DUOX1: variants seen among roughly 807,000 people sequenced by gnomAD.
The protein encoded by DUOX1 is NADPH thyroid oxidase 1.
In DUOX1, 134 loss-of-function variants were observed where a neutral mutation model predicts 181.8. That is an observed-to-expected ratio of 0.74 (90% confidence interval 0.64 to 0.85). The LOEUF is 0.85. DUOX1 is among the 40% of genes least tolerant of loss of function. The pLI, the probability that DUOX1 is intolerant of heterozygous loss-of-function variation, is 0.00. For synonymous variants in DUOX1, 798 were observed against 832.5 expected (o/e 0.96, Z 0.71); for missense variants, 1,814 against 2,064.4 (o/e 0.88, Z 2.35).
chr15:45,139,181 C>G lies in DUOX1; in HGVS notation c.1216+13C>G. 1 of 1,614,110 alleles carries G rather than the reference C, an allele frequency of 6.2e-7. No homozygotes were observed. The highest frequency in any genetic ancestry group is 1.1e-5 in the South Asian group (1 of 91,066). ...GAAGATGTGCGGGGTGAGTCTGAGG[C>G]TGTCCCTGCAGGTTGTGAACTCCTG... On this transcript the variant is annotated intron_variant, in intron 11 of 33. Transcript: ENST00000389037.
At chr15:45,148,068 G>T in intron 20 of DUOX1, 71 bp downstream of exon 20, 1 of 1,471,132 alleles carries the variant, frequency 6.8e-7, no homozygotes. Context: ...GGGACCTGAA[G>T]GAGAGAGCAG....
intron 2 of DUOX1, 93 bp from the exon 3 acceptor site, chr15:45,133,771 A>T: frequency 9.3e-7 from 1 of 1,078,190 alleles, no homozygotes; most frequent in Non-Finnish European, 1.4e-6. Flanking sequence ...TGCTGCTCCA[A>T]GTGCCAGGCT....
chr15:45,140,379 A>G (rs907830643), intron 12 of DUOX1: 1 of 226,292 alleles, frequency 4.4e-6, no homozygotes, highest in Non-Finnish European at 9.0e-6. Context: ...TTAGCTTCAA[A>G]TGGGCCTCAG....
At chr15:45,153,526 G>GTAA in intron 26 of DUOX1, 47 bp downstream of exon 26, 3 of 991,854 alleles carry the variant, frequency 3.0e-6, no homozygotes, top group Non-Finnish European at 4.4e-6. Context: ...GTGTGTGTGT[G>GTAA]TGTGTGTGTG....
intron 12 of DUOX1, chr15:45,140,136 T>TCCCG: frequency 1.0e-6 from 1 of 995,708 alleles, no homozygotes; most frequent in South Asian, 1.2e-5. Context: ...ACAGGGGTCC[T>TCCCG]GTTCAGCTGC....
intron 12 of DUOX1, 36 bp downstream of exon 12, chr15:45,139,635 A>C: frequency 1.2e-5 from 10 of 828,992 alleles, no homozygotes; most frequent in Non-Finnish European, 1.8e-5. Flanking sequence ...GTAGGGCGGG[A>C]GGGACAAGGC....
Position 45,155,832 on chromosome 15 carries a change from T to C in DUOX1, c.3605T>C (p.Leu1202Pro). ...GLTGVVLLLI[L>P]AIMYVFASHH... ...ACGGGGGTTGTGCTGCTCCTGATCC[T>C]GGCCATCATGTATGTCTTTGCCTCC... Residue 1202 changes from leucine to proline, a missense_variant, in exon 28 of 34, where the codon CTG (leucine) becomes CCG (proline). By Grantham distance (98) the Leu-to-Pro change is moderately conservative. This residue lies in a region of DUOX1 where 279 missense variants were observed against 381.9 expected (regional missense o/e 0.73). Transcript: ENST00000389037. The C allele has an allele frequency of 6.2e-7, 1 of 1,614,054 alleles. No individual in the cohort carries two copies. The highest frequency in any genetic ancestry group is 8.5e-7 in the Non-Finnish European group (1 of 1,180,028).
intron 9 of DUOX1, 141 bp from the exon 10 acceptor site, chr15:45,137,783 A>T (rs527603923): frequency 9.2e-5 from 53 of 573,952 alleles, no homozygotes; most frequent in African/African-American, 8.7e-4. Context: ...ACCCTCCAGG[A>T]TGTGCTAAGG....
intron 7 of DUOX1, among the ~76,000 whole-genome samples, 183 bp downstream of exon 7, chr15:45,136,131 G>A (rs1896306460): frequency 6.6e-6 from 1 of 151,942 alleles, no homozygotes; most frequent in South Asian, 2.1e-4. Flanking sequence ...GGAGAAATCT[G>A]GCTGGTGATG....
intron 7 of DUOX1, among the ~76,000 whole-genome samples, 188 bp downstream of exon 7, chr15:45,136,136 GTGA>G (rs1269973445): frequency 6.6e-6 from 1 of 151,842 alleles, no homozygotes; most frequent in Non-Finnish European, 1.5e-5. Flanking sequence ...AATCTGGCTG[GTGA>G]TGATTATTTA....
At chr15:45,153,219 T>TAAAA (rs71114313) in intron 25 of DUOX1, 161 bp from the exon 26 acceptor site, 184 of 200,352 alleles carry the variant, frequency 9.2e-4, no homozygotes, top group Middle Eastern at 3.5e-3. Context: ...AGACTCCATC[T>TAAAA]AAAAAAAAAA....
At chr15:45,138,091 T>TGTGTGG in intron 10 of DUOX1, 77 bp downstream of exon 10, 1 of 1,008,622 alleles carries the variant, frequency 9.9e-7, no homozygotes, top group South Asian at 2.1e-5. Flanking sequence ...TGTGTGTGTG[T>TGTGTGG]GTGTGTGTGT....
At chr15:45,134,429 G>A (rs1896233521) in intron 4 of DUOX1, 120 bp downstream of exon 4, 1 of 1,103,790 alleles carries the variant, frequency 9.1e-7, no homozygotes, top group Non-Finnish European at 1.3e-6. Flanking sequence ...AGGGTGAGAG[G>A]TGGAGGAGGC....
At position 45,151,961 on chromosome 15, in the gene DUOX1, C is replaced by G. The variant is rs781192253; in HGVS notation, c.3102C>G (p.Phe1034Leu). ...RSCLHQTVQQ[F>L]KRFIENYRRH... ...GTCTCCACCAGACGGTGCAACAGTT[C>G]AAGCGCTTCATTGAGAACTACCGGC... Residue 1034 changes from phenylalanine to leucine, a missense_variant, in exon 24 of 34, where the codon TTC becomes TTG. Coordinates refer to ENST00000389037, the MANE Select transcript of DUOX1 (RefSeq NM_175940.3). 6.8e-6 allele frequency: 11 copies of G among 1,614,054 alleles called. No homozygotes were observed. The South Asian group carries it at 1.1e-4, about 16-fold the overall frequency.
chr15:45,143,894 G>A, intron 16 of DUOX1, 142 bp from the exon 17 acceptor site: 1 of 731,820 alleles, frequency 1.4e-6, no homozygotes, highest in African/African-American at 1.8e-5. Context: ...AGGCTTTCAG[G>A]GAGGGAATGA....
chr15:45,145,493 G>T (rs954355609), intron 18 of DUOX1, among the ~76,000 whole-genome samples: 2 of 152,202 alleles, frequency 1.3e-5, no homozygotes, highest in Non-Finnish European at 2.9e-5. Flanking sequence ...TGTCCACCTT[G>T]CAGACTTCTG....
In DUOX1 at chr15:45,160,991, G is replaced by A. The variant is rs774491860; in HGVS notation, c.3856+1G>A. On this transcript the variant is annotated splice_donor_variant, in intron 29 of 33. Coordinates refer to ENST00000389037, the MANE Select transcript of DUOX1 (RefSeq NM_175940.3). LOFTEE classifies it high-confidence loss of function. Reference sequence around the variant, plus strand: ...GTGAAGGCGGAGCTGCTGCCCTCAGGTACCAGCCTGGCAGGAGATCAGCTT... The same window carrying A: ...GTGAAGGCGGAGCTGCTGCCCTCAGATACCAGCCTGGCAGGAGATCAGCTT... 6.2e-6 allele frequency: 10 copies of A among 1,614,090 alleles called. No individual in the cohort carries two copies. The South Asian group carries it at 6.6e-5, about 11-fold the overall frequency.
chr15:45,152,167 A>G, intron 24 of DUOX1, 115 bp downstream of exon 24: 1 of 1,478,580 alleles, frequency 6.8e-7, no homozygotes, highest in East Asian at 2.4e-5. Flanking sequence ...AGCCTGTCTG[A>G]GTGAAGACTG....
intron 29 of DUOX1, 50 bp from the exon 30 acceptor site, chr15:45,161,687 CA>C: frequency 6.4e-7 from 1 of 1,554,722 alleles, no homozygotes; most frequent in Non-Finnish European, 8.8e-7. Flanking sequence ...CTGGAGGCCA[CA>C]TTGTTGCTGG....
Sources: gnomAD v4.1 joint callset for allele counts (sites outside exome capture counted in the v4.1 genomes callset) on GRCh38, gnomAD v4.1.1 for gene constraint, gnomAD v4.1.1 regional missense constraint, MANE v1.5 for transcripts, NCBI Gene and HGNC (gene_info 2026-07-23, HGNC 2026-07-21) for gene names.